EDEM1: variants seen among roughly 807,000 people sequenced by gnomAD.
The protein encoded by EDEM1 is ER degradation enhancing alpha-mannosidase like protein 1.
A neutral mutation model predicts 74.4 loss-of-function variants in EDEM1; 67 were observed. The observed-to-expected ratio is 0.90, with a 90% confidence interval of 0.74 to 1.10. EDEM1 has a LOEUF of 1.10. EDEM1 is among the 50% of genes least tolerant of loss of function. The pLI, the probability that EDEM1 is intolerant of heterozygous loss-of-function variation, is 0.00. For synonymous variants in EDEM1, 382 were observed against 335.9 expected, an observed-to-expected ratio of 1.14 and a Z score of -1.50; for missense variants, 926 against 851.6, an observed-to-expected ratio of 1.09 and a Z score of -1.09.
intron 10 of EDEM1, among the ~76,000 whole-genome samples, chr3:5,212,305 G>C (rs1250484330): frequency 2.6e-5 from 4 of 152,210 alleles, no homozygotes; most frequent in African/African-American, 9.6e-5. Context: ...CATGTGATCT[G>C]TCCAGTGGGA....
intron 8 of EDEM1, among the ~76,000 whole-genome samples, chr3:5,209,597 A>T (rs1260713526): frequency 1.3e-5 from 2 of 152,212 alleles, no homozygotes; most frequent in Non-Finnish European, 2.9e-5. Context: ...TGTTGGATAA[A>T]GGCTTATCTT....
At chr3:5,208,950 T>C (rs1489697027) in intron 8 of EDEM1, among the ~76,000 whole-genome samples, 1 of 152,102 alleles carries the variant, frequency 6.6e-6, no homozygotes, top group Non-Finnish European at 1.5e-5. Context: ...TCCATCCACA[T>C]GCACAGCAGC....
intron 2 of EDEM1, among the ~76,000 whole-genome samples, chr3:5,196,858 A>T (rs756082000): frequency 6.8e-6 from 1 of 147,412 alleles, no homozygotes; most frequent in South Asian, 2.1e-4. Flanking sequence ...CTAAGACTCA[A>T]TGTATAGCTC....
At chr3:5,210,788 A>G (rs574428241) in intron 9 of EDEM1, among the ~76,000 whole-genome samples, 26 of 152,238 alleles carry the variant, frequency 1.7e-4, no homozygotes, top group African/African-American at 3.9e-4. Context: ...TAATAAGTCA[A>G]TTCTACAAGT....
intron 5 of EDEM1, among the ~76,000 whole-genome samples, 181 bp downstream of exon 5, chr3:5,203,330 A>G (rs1458700350): frequency 2.0e-5 from 3 of 152,198 alleles, no homozygotes; most frequent in African/African-American, 7.2e-5. Context: ...GTCTGATGGA[A>G]AAGCATTAAG....
Position 5,201,905 on chromosome 3 carries a change from CAG to C in EDEM1, c.840_841del (p.Gly281AspfsTer15). 1 of 1,613,920 alleles carries C rather than the reference CAG, an allele frequency of 6.2e-7. No homozygotes were observed. The highest frequency in any genetic ancestry group is 1.1e-5 in the South Asian group (1 of 90,984). On this transcript the variant is annotated frameshift_variant, in exon 4 of 12. Coordinates refer to ENST00000256497, the MANE Select transcript of EDEM1 (RefSeq NM_014674.3). LOFTEE classifies it high-confidence loss of function. ...CTCCCTGCTTTTGAAAACACCAAGA[CAG>C]GGATTCCATATCCTCGGGTGGGTAG...
At position 5,210,725 on chromosome 3, in the gene EDEM1, T is replaced by A. The variant is rs534205407; in HGVS notation, c.1584-395T>A. ...TTTACCTGCTGTAAGTTTTTTTTTT[T>A]AAGTACTATCTTAAATAATAAGTCA... On this transcript the variant is annotated intron_variant, in intron 9 of 11. Transcript: ENST00000256497. 1.4e-3 allele frequency among the ~76,000 whole-genome samples: 211 copies of A among 151,954 alleles called. 1 individual carries two copies. The highest frequency in any genetic ancestry group is 4.9e-3 in the African/African-American group (204 of 41,338).
At chr3:5,196,099 T>C (rs898961230) in intron 2 of EDEM1, among the ~76,000 whole-genome samples, 3 of 152,252 alleles carry the variant, frequency 2.0e-5, no homozygotes, top group Non-Finnish European at 4.4e-5. Flanking sequence ...GCCCAAATGT[T>C]GTACTTTTAT....
intron 10 of EDEM1, 21 bp downstream of exon 10, chr3:5,211,237 A>G: frequency 1.2e-6 from 2 of 1,606,594 alleles, no homozygotes; most frequent in Admixed American, 3.3e-5. Context: ...TGCAAGATGA[A>G]CCCAGGAATA....
chr3:5,195,537 A>G (rs2054955454), intron 2 of EDEM1, among the ~76,000 whole-genome samples: 1 of 152,086 alleles, frequency 6.6e-6, no homozygotes, highest in African/African-American at 2.4e-5. Context: ...ATTTTTTTTT[A>G]ACCAGTTTCT....
chr3:5,212,400 G>C (rs890512256), intron 10 of EDEM1, among the ~76,000 whole-genome samples: 4 of 152,182 alleles, frequency 2.6e-5, no homozygotes, highest in Non-Finnish European at 5.9e-5. Flanking sequence ...AATCAGGCTG[G>C]TCAGAGCCTA....
chr3:5,190,331 G>C (rs1480517505), intron 1 of EDEM1, among the ~76,000 whole-genome samples: 1 of 152,196 alleles, frequency 6.6e-6, no homozygotes, highest in Non-Finnish European at 1.5e-5. Flanking sequence ...CCTTTTATCA[G>C]GTGGACTGAA....
chr3:5,207,766 TCAAAGTGCTGGG>T (rs1193686805), intron 7 of EDEM1, among the ~76,000 whole-genome samples: 2 of 152,130 alleles, frequency 1.3e-5, no homozygotes, highest in African/African-American at 4.8e-5. Context: ...CCTCAGCCTC[TCAAAGTGCTGGG>T]ATTACTGGCA....
At chr3:5,195,413 T>C in intron 2 of EDEM1, 132 bp downstream of exon 2, 1 of 441,790 alleles carries the variant, frequency 2.3e-6, no homozygotes, top group Non-Finnish European at 3.9e-6. Context: ...ATAACTGTTA[T>C]TTATTTTAAT....
In EDEM1 at chr3:5,207,248, T is replaced by C. The variant is rs891866059; in HGVS notation, c.1313T>C (p.Leu438Pro). 6.2e-7 allele frequency: 1 copy of C among 1,614,192 alleles called. No homozygotes were observed. The highest frequency in any genetic ancestry group is 1.7e-5 in the Admixed American group (1 of 60,028). Residue 438 changes from leucine (L) to proline (P), a missense_variant, in exon 7 of 12, where the codon CTG (leucine) becomes CCG (proline). Coordinates refer to ENST00000256497, the MANE Select transcript of EDEM1 (RefSeq NM_014674.3). ...CTGATGAACACCTGGATTGACTCTC[T>C]GCAGGCCTTTTTCCCTGGACTGCAG... ...GQLMNTWIDSLQAFFPGLQVL... is the reference protein window; with the variant it reads ...GQLMNTWIDSPQAFFPGLQVL...
In EDEM1 at chr3:5,212,550, C is replaced by A. The variant is rs532415016; in HGVS notation, c.1681-769C>A. On this transcript the variant is annotated intron_variant, in intron 10 of 11. Transcript: ENST00000256497. The stretch of plus-strand genomic sequence containing the variant: ...GGGGAGAGGAAAACCTGTGGTCTAC[C>A]CTGTTCTTCTCTTGTTACTGTGTAA... 6.6e-5 allele frequency among the ~76,000 whole-genome samples: 10 copies of A among 152,318 alleles called. No individual in the cohort carries two copies. In the South Asian group the frequency reaches 2.1e-3, roughly 32 times the overall value.
intron 2 of EDEM1, among the ~76,000 whole-genome samples, chr3:5,197,113 G>A (rs1366424954): frequency 7.8e-6 from 1 of 128,448 alleles, no homozygotes; most frequent in Non-Finnish European, 1.6e-5. Flanking sequence ...CCTCCATCTT[G>A]CCTGCTATTC....
In EDEM1 at chr3:5,199,514, C is replaced by A. The variant is rs113564295; in HGVS notation, c.583-78C>A. The A allele has an allele frequency of 3.9e-6, 4 of 1,013,516 alleles. No homozygotes were observed. In the South Asian group the frequency reaches 4.4e-5, roughly 11 times the overall value. 62.8% of individuals were successfully genotyped at this position (1,013,516 alleles called of 1,614,324 possible). A position where few individuals can be genotyped will look rare whatever the true frequency, so the allele number is the denominator to read the frequency against. ...AAACCACATACAGACATTTAGGTGACGTGACTGGGCTGCTGTGATGATACA... is the reference window on the plus strand; with the variant it reads ...AAACCACATACAGACATTTAGGTGAAGTGACTGGGCTGCTGTGATGATACA... On this transcript the variant is annotated intron_variant, in intron 2 of 11. Transcript: ENST00000256497.
Position 5,213,542 on chromosome 3 carries a change from G to T in EDEM1, c.1884+20G>T, listed in dbSNP as rs775046503. On this transcript the variant is annotated intron_variant, in intron 11 of 11. Transcript: ENST00000256497. ...TCCAACGTGAGTTGCTTTTTCCAGGGGTGATTTGCATATAGAGGAAGAGAA... is the reference window on the plus strand; with the variant it reads ...TCCAACGTGAGTTGCTTTTTCCAGGTGTGATTTGCATATAGAGGAAGAGAA... 3 of 1,589,266 alleles carry T rather than the reference G, an allele frequency of 1.9e-6. No homozygotes were observed. The highest frequency in any genetic ancestry group is 2.6e-6 in the Non-Finnish European group (3 of 1,166,768).
Sources: allele counts gnomAD v4.1 joint callset (sites outside exome capture counted in the v4.1 genomes callset), GRCh38; gene constraint gnomAD v4.1.1; transcripts MANE v1.5; gene names NCBI Gene and HGNC (gene_info 2026-07-23, HGNC 2026-07-21).